The following KCNJ8 variants were observed in gnomAD, a reference collection of about 807,000 sequenced individuals.
The protein encoded by KCNJ8 is potassium inwardly rectifying channel subfamily J member 8, also known as ATP-sensitive inward rectifier potassium channel 8.
In KCNJ8, 13 loss-of-function variants were observed where a neutral mutation model predicts 28.2. That is an observed-to-expected ratio of 0.46 (90% confidence interval 0.30 to 0.73). The LOEUF (loss-of-function observed/expected upper bound fraction) is 0.73. KCNJ8 is among the 30% of genes least tolerant of loss of function. The pLI is 0.07. For missense variants in KCNJ8, 284 were observed against 542.6 expected (o/e 0.52, Z 4.73); for synonymous variants, 188 against 195.9 (o/e 0.96, Z 0.34).
Position 21,766,125 on chromosome 12 carries a change from C to T in KCNJ8, c.873G>A (p.Glu291=). ...SATDLANQDL[E]VIVILEGVVE... ...CCACTCCTTCCAGAATAACTATGAC[C>T]TCCAAGTCTTGGTTGGCCAGGTCAG... The change falls in exon 3 of 3, where the codon GAG becomes GAA. Residue 291 remains glutamate (E), a synonymous_variant. Transcript: ENST00000240662. This position sits in a 1 kb window ranked among gnomAD's most constrained non-coding sequence, Gnocchi z 6.5. 6.2e-7 allele frequency: 1 copy of T among 1,614,190 alleles called. No individual in the cohort carries two copies. The highest frequency in any genetic ancestry group is 8.5e-7 in the Non-Finnish European group (1 of 1,180,028).
chr12:21,765,630 C>T lies in KCNJ8; in HGVS notation c.*93G>A. On this transcript the variant is annotated 3_prime_UTR_variant, in exon 3 of 3. Transcript: ENST00000240662. ...TTTAGTGTAATAAAATGTAGAAGGACACATTATTGTGTTCCAGCTCTGGTT... is the reference window on the plus strand; with the variant it reads ...TTTAGTGTAATAAAATGTAGAAGGATACATTATTGTGTTCCAGCTCTGGTT... The T allele has an allele frequency of 3.9e-6, 4 of 1,035,354 alleles. No individual in the cohort carries two copies. Among genetic ancestry groups the T allele is most frequent in the Non-Finnish European group, 4.6e-6 (3 of 653,766 alleles). The allele number at this position is 1,035,354 out of a possible 1,614,324, so 64.1% of individuals were successfully genotyped here. A position where few individuals can be genotyped will look rare whatever the true frequency, so the allele number is the denominator to read the frequency against.
rs1591891149 is a variant in KCNJ8 at position 21,773,967 on chromosome 12, A to C, written c.-70-281T>G. On this transcript the variant is annotated intron_variant, in intron 1 of 2. Transcript: ENST00000240662. The surrounding 1 kb of genome is among the most constrained non-coding windows in gnomAD (Gnocchi z 4.6). ...AACCAGGAGCCTTCCGGTAAACAGC[A>C]GGCTCAAAGATAATTCTCTGCGATT... Among the ~76,000 whole-genome samples the C allele has an allele frequency of 6.6e-6, 1 of 152,198 alleles. No homozygotes were observed. The highest frequency in any genetic ancestry group is 1.5e-5 in the Non-Finnish European group (1 of 68,038).
At position 21,765,566 on chromosome 12, in the gene KCNJ8, A is replaced by G. The variant is rs896355359; in HGVS notation, c.*157T>C. The G allele has an allele frequency of 4.3e-6, 3 of 701,104 alleles. No individual in the cohort carries two copies. Among genetic ancestry groups the G allele is most frequent in the East Asian group, 5.3e-5 (2 of 37,740 alleles). The allele number at this position is 701,104 out of a possible 1,614,324, so 43.4% of individuals were successfully genotyped here. On this transcript the variant is annotated 3_prime_UTR_variant, in exon 3 of 3. Coordinates refer to ENST00000240662, the MANE Select transcript of KCNJ8 (RefSeq NM_004982.4). Reference sequence around the variant, plus strand: ...TCCTCCACTTGGTGTGTTACTTTTTATTACTACAGAAAGTGCTGTTGCTTG... The same window carrying G: ...TCCTCCACTTGGTGTGTTACTTTTTGTTACTACAGAAAGTGCTGTTGCTTG...
chr12:21,767,308 A>AC (rs757720164), intron 2 of KCNJ8, among the ~76,000 whole-genome samples: 1,059 of 53,696 alleles, frequency 0.02, 24 homozygotes, highest in South Asian at 0.034. Context: ...GGGGTCCCCA[A>AC]CCCCCCCCCC....
At chr12:21,767,743 T>C (rs1940665672) in intron 2 of KCNJ8, among the ~76,000 whole-genome samples, 1 of 152,196 alleles carries the variant, frequency 6.6e-6, no homozygotes, top group African/African-American at 2.4e-5. Context: ...CATACAGATA[T>C]GCCTTATTTT....
chr12:21,774,503 C>T (rs1940844652), intron 1 of KCNJ8, 43 bp downstream of exon 1: 1 of 152,102 alleles, frequency 6.6e-6, no homozygotes, highest in Admixed American at 6.5e-5. Context: ...GGAACACGGA[C>T]AGCCTCCCCC....
chr12:21,773,272 C>T lies in KCNJ8; in HGVS notation c.345G>A (p.Leu115=). The T allele has an allele frequency of 2.5e-6, 4 of 1,613,898 alleles. No individual in the cohort carries two copies. Among genetic ancestry groups the T allele is most frequent in the Non-Finnish European group, 3.4e-6 (4 of 1,180,048 alleles). Residue 115 remains leucine, a synonymous_variant, in exon 2 of 3, where the codon TTG becomes TTA. Transcript: ENST00000240662. The surrounding 1 kb of genome is among the most constrained non-coding windows in gnomAD (Gnocchi z 4.6). ...MEKSGMEKSG[L]ESTVCVTNVR... Reference sequence around the variant, plus strand: ...CATTAGTCACACACACAGTGGACTCCAAACCACTTTTCTCCATTCCACTTT... The same window carrying T: ...CATTAGTCACACACACAGTGGACTCTAAACCACTTTTCTCCATTCCACTTT...
chr12:21,767,594 T>A (rs115197822), intron 2 of KCNJ8, among the ~76,000 whole-genome samples: 4,411 of 151,856 alleles, frequency 0.029, 217 homozygotes, highest in African/African-American at 0.1. Flanking sequence ...CCCCCATCAG[T>A]GGAAAAATTG....
In KCNJ8 at chr12:21,773,609, G is replaced by A; in HGVS notation, c.8C>T (p.Ala3Val). ...CTCCTCCGGGATGATACTCTTTCTG[G>A]CCAACATCGTCCTGTCACCATAGCC... Reference protein sequence around the residue: MLARKSIIPEEYV... With the variant: MLVRKSIIPEEYV... Residue 3 changes from alanine (A) to valine (V), a missense_variant, in exon 2 of 3, where the codon GCC becomes GTC. Physicochemically the swap from Ala to Val is moderately conservative, Grantham distance 64 (BLOSUM62 0). Coordinates refer to ENST00000240662, the MANE Select transcript of KCNJ8 (RefSeq NM_004982.4). The surrounding 1 kb of genome is among the most constrained non-coding windows in gnomAD (Gnocchi z 4.6). The A allele has an allele frequency of 6.2e-7, 1 of 1,612,618 alleles. No individual in the cohort carries two copies. The highest frequency in any genetic ancestry group is 8.5e-7 in the Non-Finnish European group (1 of 1,180,028).
At chr12:21,768,463 C>T (rs2137048821) in intron 2 of KCNJ8, among the ~76,000 whole-genome samples, 1 of 152,200 alleles carries the variant, frequency 6.6e-6, no homozygotes, top group East Asian at 1.9e-4. Flanking sequence ...AGACACAGCA[C>T]TATTGAAATT....
In KCNJ8 at chr12:21,767,543, G is replaced by C. The variant is rs1313198759; in HGVS notation, c.375-920C>G. ...ATGAGAATCTAATGCCTCATGATCTGAGGTGGGACAGTTTTATCCCCACAC... is the reference window on the plus strand; with the variant it reads ...ATGAGAATCTAATGCCTCATGATCTCAGGTGGGACAGTTTTATCCCCACAC... On this transcript the variant is annotated intron_variant, in intron 2 of 2. Coordinates refer to ENST00000240662, the MANE Select transcript of KCNJ8 (RefSeq NM_004982.4). Among the ~76,000 whole-genome samples the C allele has an allele frequency of 2.6e-5, 4 of 152,066 alleles. No individual in the cohort carries two copies. In the South Asian group the frequency reaches 8.3e-4, roughly 32 times the overall value.
rs1393991690 is a variant in KCNJ8, at chr12:21,766,633, A to G, written c.375-10T>C. On this transcript the variant is annotated splice_polypyrimidine_tract_variant and intron_variant, in intron 2 of 2. Coordinates refer to ENST00000240662, the MANE Select transcript of KCNJ8 (RefSeq NM_004982.4). This position sits in a 1 kb window ranked among gnomAD's most constrained non-coding sequence, Gnocchi z 6.5. ...AGCAGAAGTGAAAGACCTGTGAGGAATGATATCAGAAAAGAACACCATCAG... is the reference window on the plus strand; with the variant it reads ...AGCAGAAGTGAAAGACCTGTGAGGAGTGATATCAGAAAAGAACACCATCAG... The G allele has an allele frequency of 6.3e-7, 1 of 1,591,546 alleles. No individual in the cohort carries two copies. The highest frequency in any genetic ancestry group is 1.1e-5 in the South Asian group (1 of 90,768).
In KCNJ8 at chr12:21,765,910, G is replaced by T; in HGVS notation, c.1088C>A (p.Ser363Tyr). ...CTTTTGGAGGGTCTGAATAAGGATG[G>T]AAGGTTTCTCATCCAGCTCTCGGGC... is the stretch of plus-strand genomic sequence containing the variant. The part of the protein sequence containing the change: ...CSARELDEKP[S>Y]ILIQTLQKSE... Residue 363 changes from serine (S) to tyrosine (Y), a missense_variant, in exon 3 of 3, where the codon TCC (serine) becomes TAC (tyrosine). Coordinates refer to ENST00000240662, the MANE Select transcript of KCNJ8 (RefSeq NM_004982.4). 1 of 1,614,082 alleles carries T rather than the reference G, an allele frequency of 6.2e-7. No individual in the cohort carries two copies. The highest frequency in any genetic ancestry group is 8.5e-7 in the Non-Finnish European group (1 of 1,179,952).
At chr12:21,771,181 A>G (rs565894327) in intron 2 of KCNJ8, among the ~76,000 whole-genome samples, 13 of 152,358 alleles carry the variant, frequency 8.5e-5, no homozygotes, top group African/African-American at 3.1e-4. Context: ...CTGATAATGT[A>G]TCCATACCTC....
intron 2 of KCNJ8, among the ~76,000 whole-genome samples, chr12:21,768,704 T>C (rs1357784026): frequency 6.6e-6 from 1 of 152,220 alleles, no homozygotes; most frequent in African/African-American, 2.4e-5. Flanking sequence ...ACACAAATGA[T>C]AAGACAGCAA....
chr12:21,774,203 TATA>T (rs1290148041), intron 1 of KCNJ8, among the ~76,000 whole-genome samples: 4 of 152,158 alleles, frequency 2.6e-5, no homozygotes, highest in African/African-American at 7.2e-5. Flanking sequence ...CTGACAAAAT[TATA>T]ATAAGTGGTG....
chr12:21,772,172 C>T (rs1406334587), intron 2 of KCNJ8, among the ~76,000 whole-genome samples: 1 of 152,102 alleles, frequency 6.6e-6, no homozygotes, highest in Non-Finnish European at 1.5e-5. Flanking sequence ...GATATGCTAG[C>T]TTAATAAGGT....
rs1940601612 is a variant in KCNJ8 at position 21,765,730 on chromosome 12, T to C, written c.1268A>G (p.Glu423Gly). 4 of 1,613,924 alleles carry C rather than the reference T, an allele frequency of 2.5e-6. No individual in the cohort carries two copies. Among genetic ancestry groups the C allele is most frequent in the South Asian group, 1.1e-5 (1 of 91,080 alleles). Residue 423 changes from glutamate to glycine, a missense_variant, in exon 3 of 3, where the codon GAA becomes GGA. Glu to Gly is a moderately conservative substitution (Grantham distance 98). This residue lies in a region of KCNJ8 where 50 missense variants were observed against 55.9 expected (regional missense o/e 0.90). Transcript: ENST00000240662. ...CTTGGGGTTATCTTGCTGTCATGAT[T>C]CCGATGTGTTTTGATTTCCTTCTGG... ...MTPEGNQNTS[E>G]S
Position 21,765,686 on chromosome 12 carries a change from A to G in KCNJ8, c.*37T>C. 1 of 1,598,474 alleles carries G rather than the reference A, an allele frequency of 6.3e-7. No individual in the cohort carries two copies. The highest frequency in any genetic ancestry group is 8.6e-7 in the Non-Finnish European group (1 of 1,165,844). ...TGGCAGTGCCCAGCATAAACCGTCA[A>G]AACTTGATAAAAGACTGTCTTGGGG... On this transcript the variant is annotated 3_prime_UTR_variant, in exon 3 of 3. Coordinates refer to ENST00000240662, the MANE Select transcript of KCNJ8 (RefSeq NM_004982.4).
Sources: gnomAD v4.1 joint callset for allele counts (sites outside exome capture counted in the v4.1 genomes callset) on GRCh38, gnomAD v4.1.1 for gene constraint, gnomAD v4.1.1 regional missense constraint, Gnocchi (gnomAD v3.1) non-coding constraint, MANE v1.5 for transcripts, NCBI Gene and HGNC (gene_info 2026-07-23, HGNC 2026-07-21) for gene names.